RSU1: variants seen among roughly 807,000 people sequenced by gnomAD.
The protein encoded by RSU1 is rsu-1.
Under a neutral mutation model 31.1 loss-of-function variants are expected in RSU1, and 26 were observed. The observed-to-expected ratio is 0.84, with a 90% CI of 0.61 to 1.16. RSU1 has a LOEUF of 1.16. Ranked by LOEUF, RSU1 falls within the 50% of genes most tolerant of loss-of-function variation. The pLI, the probability that RSU1 is intolerant of heterozygous loss-of-function variation, is 0.00. For synonymous variants in RSU1, 164 were observed against 136.3 expected, an observed-to-expected ratio of 1.20 and a Z score of -1.41; for missense variants, 320 against 339.1, an observed-to-expected ratio of 0.94 and a Z score of 0.44.
At chr10:16,714,262 G>T (rs4747282) in intron 7 of RSU1, among the ~76,000 whole-genome samples, 63,591 of 152,050 alleles carry the variant, frequency 0.42, 13,930 homozygotes, top group East Asian at 0.61. Flanking sequence ...GTGCAGCTGT[G>T]TCAGGTGGCC....
At chr10:16,753,644 C>A (rs1217649275) in intron 5 of RSU1, among the ~76,000 whole-genome samples, 1 of 152,194 alleles carries the variant, frequency 6.6e-6, no homozygotes, top group African/African-American at 2.4e-5. Flanking sequence ...TATCAGTAGT[C>A]AGAAATTTGT....
chr10:16,682,994 C>T (rs542999565), intron 8 of RSU1, among the ~76,000 whole-genome samples: 20 of 152,274 alleles, frequency 1.3e-4, no homozygotes, highest in East Asian at 3.9e-4. Flanking sequence ...TCATTCCTAA[C>T]GCATCTTCGA....
rs139633455 is a variant in RSU1 at position 16,605,041 on chromosome 10, G to A, written c.732-11545C>T. 2.0e-3 allele frequency among the ~76,000 whole-genome samples: 306 copies of A among 152,264 alleles called. 2 individuals carry two copies. The highest frequency in any genetic ancestry group is 7.1e-3 in the African/African-American group (297 of 41,544). On this transcript the variant is annotated intron_variant, in intron 8 of 8. Transcript: ENST00000345264. ...AGGAGTGAGGGACGGAGAGAGACTG[G>A]GCCTAAGGACATTGTGTGGGTCCCA... is the stretch of plus-strand genomic sequence containing the variant.
intron 3 of RSU1, among the ~76,000 whole-genome samples, chr10:16,776,373 G>C (rs993610362): frequency 2.6e-5 from 4 of 151,766 alleles, no homozygotes; most frequent in African/African-American, 4.8e-5. Context: ...TATGTACTTA[G>C]AATATTATCT....
chr10:16,669,390 A>G (rs1322992998), intron 8 of RSU1, among the ~76,000 whole-genome samples: 1 of 150,162 alleles, frequency 6.7e-6, no homozygotes, highest in African/African-American at 2.4e-5. Flanking sequence ...CCAAAGCACC[A>G]TACTGCTTTT....
chr10:16,788,857 A>G (rs1265839918), intron 2 of RSU1, among the ~76,000 whole-genome samples: 1 of 152,232 alleles, frequency 6.6e-6, no homozygotes, highest in Non-Finnish European at 1.5e-5. Flanking sequence ...CTTCTGGGTG[A>G]CCACGTGCCA....
chr10:16,618,161 G>C (rs1018061333), intron 8 of RSU1, among the ~76,000 whole-genome samples: 5 of 152,104 alleles, frequency 3.3e-5, no homozygotes, highest in Non-Finnish European at 7.4e-5. Flanking sequence ...ACCAAAAAGT[G>C]GGCAAAGGAT....
In RSU1 at chr10:16,796,827, C is replaced by T. The variant is rs531548250; in HGVS notation, c.110-14743G>A. 2.0e-5 allele frequency among the ~76,000 whole-genome samples: 3 copies of T among 152,204 alleles called. No individual in the cohort carries two copies. The South Asian group carries it at 6.2e-4, about 32-fold the overall frequency. Reference sequence around the variant, plus strand: ...AGAAAAAATTCAAGGACACAATTTACAACAAAACTAGGTTATAAAGTGTCC... The same window carrying T: ...AGAAAAAATTCAAGGACACAATTTATAACAAAACTAGGTTATAAAGTGTCC... On this transcript the variant is annotated intron_variant, in intron 2 of 8. Transcript: ENST00000345264.
At chr10:16,722,477 C>T (rs926057014) in intron 7 of RSU1, among the ~76,000 whole-genome samples, 1 of 152,074 alleles carries the variant, frequency 6.6e-6, no homozygotes, top group Non-Finnish European at 1.5e-5. Context: ...AGGAGCCCAA[C>T]CTCAGGTCTG....
chr10:16,751,862 G>A (rs1836986797), intron 7 of RSU1, among the ~76,000 whole-genome samples: 1 of 152,204 alleles, frequency 6.6e-6, no homozygotes, highest in African/African-American at 2.4e-5. Flanking sequence ...TGAACCTTTT[G>A]CAGTGGAACG....
At chr10:16,757,646 G>C (rs781245377) in intron 4 of RSU1, among the ~76,000 whole-genome samples, 1 of 152,064 alleles carries the variant, frequency 6.6e-6, no homozygotes, top group African/African-American at 2.4e-5. Context: ...CAGCCTAAGA[G>C]AGGGTGAGGA....
intron 8 of RSU1, among the ~76,000 whole-genome samples, chr10:16,673,809 T>G (rs1486069635): frequency 6.6e-6 from 1 of 152,206 alleles, no homozygotes; most frequent in Admixed American, 6.5e-5. Flanking sequence ...GTCCTTAGGT[T>G]CAGAGATCAG....
chr10:16,650,532 C>T (rs1046454140), intron 8 of RSU1, among the ~76,000 whole-genome samples: 13 of 147,458 alleles, frequency 8.8e-5, no homozygotes, highest in African/African-American at 3.2e-4. Flanking sequence ...AGAAGCAGAT[C>T]TAACTAAAAC....
intron 7 of RSU1, 107 bp downstream of exon 7, chr10:16,752,432 G>T: frequency 1.3e-6 from 1 of 780,082 alleles, no homozygotes; most frequent in Non-Finnish European, 2.2e-6. Context: ...GTGTGCCTAG[G>T]TGGAGAGTAG....
At chr10:16,695,278 T>C in intron 7 of RSU1, 123 bp from the exon 8 acceptor site, 1 of 890,290 alleles carries the variant, frequency 1.1e-6, no homozygotes, top group Non-Finnish European at 1.6e-6. Flanking sequence ...CTTGGATCAT[T>C]TGATGTCTTT....
intron 8 of RSU1, among the ~76,000 whole-genome samples, chr10:16,658,152 A>G (rs943458771): frequency 1.3e-5 from 2 of 152,174 alleles, no homozygotes; most frequent in African/African-American, 2.4e-5. Flanking sequence ...CCTTTATTCC[A>G]ATCACTACAT....
At chr10:16,654,106 G>A (rs774074387) in intron 8 of RSU1, among the ~76,000 whole-genome samples, 3 of 151,772 alleles carry the variant, frequency 2.0e-5, no homozygotes, top group African/African-American at 4.8e-5. Flanking sequence ...GGGCTCAAGC[G>A]ATTCTCTTGC....
chr10:16,696,897 C>A (rs1333808383), intron 7 of RSU1, among the ~76,000 whole-genome samples: 1 of 151,994 alleles, frequency 6.6e-6, no homozygotes. Context: ...ATGAAACTGA[C>A]CCCTTGTTTA....
At chr10:16,606,022 G>T (rs1833798622) in intron 8 of RSU1, among the ~76,000 whole-genome samples, 1 of 152,032 alleles carries the variant, frequency 6.6e-6, no homozygotes, top group Admixed American at 6.6e-5. Context: ...CAAGGTGCTG[G>T]GATTACAGGC....
Sources: gnomAD v4.1 joint callset for allele counts (sites outside exome capture counted in the v4.1 genomes callset) on GRCh38, gnomAD v4.1.1 for gene constraint, MANE v1.5 for transcripts, NCBI Gene and HGNC (gene_info 2026-07-23, HGNC 2026-07-21) for gene names.